The following PDXK variants were observed in gnomAD, a reference collection of about 807,000 sequenced individuals.
PDXK encodes the protein pyridoxal kinase, also known as epididymis secretory sperm binding protein Li 1a.
A neutral mutation model predicts 43.2 loss-of-function variants in PDXK; 15 were observed. The observed-to-expected ratio is 0.35, with a 90% confidence interval of 0.23 to 0.53. The LOEUF is 0.53. Among genes scored for constraint, PDXK ranks in the 20% least tolerant of loss-of-function variants. The probability of loss-of-function intolerance (pLI) is 0.92; values close to 1 mark genes in which losing one functional copy is unlikely to be tolerated. For synonymous variants in PDXK, 172 were observed against 165.4 expected (o/e 1.04, Z -0.31); for missense variants, 343 against 417.0 (o/e 0.82, Z 1.54).
At chr21:43,747,309 GTT>G (rs2083655298) in intron 5 of PDXK, 1 of 152,288 alleles carries the variant, frequency 6.6e-6, no homozygotes, top group Admixed American at 6.5e-5. Context: ...CTGCCTGTGG[GTT>G]TTTAACTCAG....
At position 43,727,045 on chromosome 21, in the gene PDXK, G is replaced by A. The variant is rs2083261721; in HGVS notation, c.88-7024G>A. Among the ~76,000 whole-genome samples, 5 of 152,152 alleles carry A rather than the reference G, an allele frequency of 3.3e-5. No homozygotes were observed. In the South Asian group the frequency reaches 6.2e-4, roughly 19 times the overall value. Reference sequence around the variant, plus strand: ...GGCCCCAGTGTTGGCCGGCCCCCCCGTCTTTCCTGTAAGTGACTTCCTTCC... The same window carrying A: ...GGCCCCAGTGTTGGCCGGCCCCCCCATCTTTCCTGTAAGTGACTTCCTTCC... On this transcript the variant is annotated intron_variant, in intron 1 of 10. Transcript: ENST00000291565.
intron 4 of PDXK, among the ~76,000 whole-genome samples, chr21:43,744,981 G>C (rs778576531): frequency 5.9e-5 from 9 of 152,204 alleles, no homozygotes; most frequent in African/African-American, 1.9e-4. Flanking sequence ...TTGAGGACAT[G>C]ATGCTTAGTG....
intron 5 of PDXK, among the ~76,000 whole-genome samples, chr21:43,748,629 C>A (rs2083679165): frequency 6.6e-6 from 1 of 152,228 alleles, no homozygotes; most frequent in African/African-American, 2.4e-5. Flanking sequence ...CACCCCCAAG[C>A]CCTCACCAGA....
intron 5 of PDXK, among the ~76,000 whole-genome samples, chr21:43,746,610 G>T (rs1010726865): frequency 1.3e-5 from 2 of 152,024 alleles, no homozygotes; most frequent in Non-Finnish European, 2.9e-5. Context: ...TACTAGATAC[G>T]ATTTCACTGT....
Position 43,761,216 on chromosome 21 carries a change from T to C in PDXK, c.*5153T>C, listed in dbSNP as rs1212179860. The C allele has an allele frequency of 6.6e-6, 1 of 152,260 alleles. No homozygotes were observed. Among genetic ancestry groups the C allele is most frequent in the Non-Finnish European group, 1.5e-5 (1 of 68,072 alleles). 9.4% of individuals were successfully genotyped at this position (152,260 alleles called of 1,614,324 possible). A position where few individuals can be genotyped will look rare whatever the true frequency, so the allele number is the denominator to read the frequency against. On this transcript the variant is annotated 3_prime_UTR_variant, in exon 11 of 11. Transcript: ENST00000291565. ...ACAAGCTTTGATGGGGGGCCCCAGC[T>C]TCAAGGCTGTGGTGGGAACAGCACC...
chr21:43,750,254 A>G (rs1039424373), intron 6 of PDXK, among the ~76,000 whole-genome samples: 2 of 152,206 alleles, frequency 1.3e-5, no homozygotes, highest in African/African-American at 4.8e-5. Context: ...GCTGTCCATC[A>G]CCACGGTTAC....
At chr21:43,739,326 C>T (rs1478785340) in intron 2 of PDXK, among the ~76,000 whole-genome samples, 1 of 152,182 alleles carries the variant, frequency 6.6e-6, no homozygotes, top group Non-Finnish European at 1.5e-5. Context: ...CCCGGCCCCA[C>T]CTTTATGAAC....
chr21:43,740,170 A>C (rs2083470661), intron 2 of PDXK, among the ~76,000 whole-genome samples: 1 of 152,044 alleles, frequency 6.6e-6, no homozygotes, highest in African/African-American at 2.4e-5. Context: ...GTGGCTCCTG[A>C]TGGCAGTCTC....
intron 6 of PDXK, among the ~76,000 whole-genome samples, chr21:43,750,034 G>A (rs529823318): frequency 9.2e-5 from 14 of 152,310 alleles, no homozygotes; most frequent in African/African-American, 2.4e-4. Flanking sequence ...CCCCATTCAC[G>A]CAGGGGTGGG....
chr21:43,720,369 G>A (rs1341459407), intron 1 of PDXK, among the ~76,000 whole-genome samples: 1 of 152,220 alleles, frequency 6.6e-6, no homozygotes, highest in Non-Finnish European at 1.5e-5. Flanking sequence ...GGGCACGGCG[G>A]GGCCTGCGGT....
chr21:43,756,210 T>C lies in PDXK; in HGVS notation c.*147T>C, dbSNP rs771019649. 98 of 573,564 alleles carry C rather than the reference T, an allele frequency of 1.7e-4. No homozygotes were observed. In the Middle Eastern group the frequency reaches 1.8e-3, roughly 10 times the overall value. 35.5% of individuals were successfully genotyped at this position (573,564 alleles called of 1,614,324 possible). A position where few individuals can be genotyped will look rare whatever the true frequency, so the allele number is the denominator to read the frequency against. ...GTCCGGCATCTGCTGGTCTTCATTG[T>C]GAAACGTGCCAGTCGTGCTTTGTGA... On this transcript the variant is annotated 3_prime_UTR_variant, in exon 11 of 11. Transcript: ENST00000291565.
In PDXK at chr21:43,762,299, T is replaced by C. The variant is rs1414332353; in HGVS notation, c.*6236T>C. On this transcript the variant is annotated 3_prime_UTR_variant, in exon 11 of 11. Coordinates refer to ENST00000291565, the MANE Select transcript of PDXK (RefSeq NM_003681.5). ...CCACAAATAAATATTTTCATGGCGG[T>C]CGTGTTGAGGCATGATGGTTCCTTC... is the stretch of plus-strand genomic sequence containing the variant. 6.6e-6 allele frequency: 1 copy of C among 152,238 alleles called. No individual in the cohort carries two copies. Among genetic ancestry groups the C allele is most frequent in the Non-Finnish European group, 1.5e-5 (1 of 68,094 alleles). 9.4% of individuals were successfully genotyped at this position (152,238 alleles called of 1,614,324 possible).
chr21:43,728,388 G>A (rs1407615626), intron 1 of PDXK, among the ~76,000 whole-genome samples: 4 of 152,150 alleles, frequency 2.6e-5, no homozygotes, highest in Non-Finnish European at 5.9e-5. Flanking sequence ...AAGCTAAAGG[G>A]AGGGTTCTGC....
Position 43,732,250 on chromosome 21 carries a change from T to A in PDXK, c.88-1819T>A. ...CCGGCACAGAGCGCTGGCTTCCAGC[T>A]GAAGGACATGTGTAACAGCAGGAGA... On this transcript the variant is annotated intron_variant, in intron 1 of 10. Coordinates refer to ENST00000291565, the MANE Select transcript of PDXK (RefSeq NM_003681.5). The surrounding 1 kb of genome is among the most constrained non-coding windows in gnomAD (Gnocchi z 4.1). 1 of 1,482,296 alleles carries A rather than the reference T, an allele frequency of 6.7e-7. No homozygotes were observed. The highest frequency in any genetic ancestry group is 8.9e-7 in the Non-Finnish European group (1 of 1,120,934). The allele number at this position is 1,482,296 out of a possible 1,614,324, so 91.8% of individuals were successfully genotyped here.
intron 1 of PDXK, among the ~76,000 whole-genome samples, chr21:43,725,047 G>C (rs1017220974): frequency 2.9e-4 from 44 of 152,248 alleles, no homozygotes; most frequent in African/African-American, 1.0e-3. Context: ...GTGTTGGCTG[G>C]GTGCAGTGGC....
Position 43,732,224 on chromosome 21 carries a change from T to C in PDXK, c.88-1845T>C. 4 of 1,452,822 alleles carry C rather than the reference T, an allele frequency of 2.8e-6. No individual in the cohort carries two copies. In the South Asian group the frequency reaches 5.8e-5, roughly 21 times the overall value. 90.0% of individuals were successfully genotyped at this position (1,452,822 alleles called of 1,614,324 possible). A position where few individuals can be genotyped will look rare whatever the true frequency, so the allele number is the denominator to read the frequency against. On this transcript the variant is annotated intron_variant, in intron 1 of 10. Transcript: ENST00000291565. This position sits in a 1 kb window ranked among gnomAD's most constrained non-coding sequence, Gnocchi z 4.1. ...AGAGATGCCAATTCCAGAGGCATGG[T>C]CCGGCACAGAGCGCTGGCTTCCAGC...
rs1568971224 is a variant in PDXK at position 43,723,555 on chromosome 21, G to A, written c.87+4174G>A. ...ATTCAATCTGGAAGGAGCCTTCAGA[G>A]AAATTTGAAAGTGGCATAAACCAAG... On this transcript the variant is annotated intron_variant, in intron 1 of 10. Coordinates refer to ENST00000291565, the MANE Select transcript of PDXK (RefSeq NM_003681.5). This position sits in a 1 kb window ranked among gnomAD's most constrained non-coding sequence, Gnocchi z 4.1. 6.6e-6 allele frequency: 1 copy of A among 152,280 alleles called. No individual in the cohort carries two copies. Among genetic ancestry groups the A allele is most frequent in the Non-Finnish European group, 1.5e-5 (1 of 68,060 alleles). The allele number at this position is 152,280 out of a possible 1,614,324, so 9.4% of individuals were successfully genotyped here.
At position 43,756,095 on chromosome 21, in the gene PDXK, C is replaced by T. The variant is rs114002037; in HGVS notation, c.*32C>T. ...CGCCGCTTGCCCGTGACACGCAGCG[C>T]GTTGGTGTCTCCGTGTTTGTCCCTG... On this transcript the variant is annotated 3_prime_UTR_variant, in exon 11 of 11. Transcript: ENST00000291565. The T allele has an allele frequency of 9.7e-6, 12 of 1,237,926 alleles. No individual in the cohort carries two copies. The highest frequency in any genetic ancestry group is 1.5e-5 in the African/African-American group (1 of 67,644). 76.7% of individuals were successfully genotyped at this position (1,237,926 alleles called of 1,614,324 possible).
rs576274786 is a variant in PDXK, at chr21:43,730,545, C to T, written c.88-3524C>T. On this transcript the variant is annotated intron_variant, in intron 1 of 10. Transcript: ENST00000291565. Reference sequence around the variant, plus strand: ...CTGTGCAGCAGCCTCTGTCATGTAGCGTTCTTCCCTCCAGACACAATAGAC... The same window carrying T: ...CTGTGCAGCAGCCTCTGTCATGTAGTGTTCTTCCCTCCAGACACAATAGAC... 1.1e-4 allele frequency among the ~76,000 whole-genome samples: 16 copies of T among 152,310 alleles called. No individual in the cohort carries two copies. The South Asian group carries it at 2.5e-3, about 24-fold the overall frequency.
Sources: gnomAD v4.1 joint callset for allele counts (sites outside exome capture counted in the v4.1 genomes callset) on GRCh38, gnomAD v4.1.1 for gene constraint, Gnocchi (gnomAD v3.1) non-coding constraint, MANE v1.5 for transcripts, NCBI Gene and HGNC (gene_info 2026-07-23, HGNC 2026-07-21) for gene names.